SCMH1: variants seen among roughly 807,000 people sequenced by gnomAD.
SCMH1 encodes the protein Scm polycomb group protein homolog 1.
Under a neutral mutation model 70.8 loss-of-function variants are expected in SCMH1, and 37 were observed. That is an observed-to-expected ratio of 0.52 (90% CI 0.40 to 0.69). The LOEUF (loss-of-function observed/expected upper bound fraction) is 0.69, where lower values mean the gene tolerates loss of function less well. Ranked by LOEUF, SCMH1 falls within the 30% of genes least tolerant of loss-of-function variation. The pLI, the probability that SCMH1 is intolerant of heterozygous loss-of-function variation, is 0.00. For missense variants in SCMH1, 607 were observed against 827.3 expected (o/e 0.73, Z 3.27); for synonymous variants, 292 against 307.4 (o/e 0.95, Z 0.52).
chr1:41,214,909 G>C (rs1349512625), intron 1 of SCMH1, among the ~76,000 whole-genome samples: 1 of 152,130 alleles, frequency 6.6e-6, no homozygotes, highest in African/African-American at 2.4e-5. Context: ...CAACAGAATG[G>C]TAGAAGGAAA....
chr1:41,166,307 T>C (rs1646404506), intron 2 of SCMH1, among the ~76,000 whole-genome samples: 2 of 152,128 alleles, frequency 1.3e-5, no homozygotes, highest in African/African-American at 4.8e-5. Context: ...TTGGTCAAGA[T>C]TGTTTGGCTA....
At chr1:41,065,324 C>CTTA (rs1349344876) in intron 10 of SCMH1, among the ~76,000 whole-genome samples, 1 of 152,160 alleles carries the variant, frequency 6.6e-6, no homozygotes, top group Non-Finnish European at 1.5e-5. Flanking sequence ...ACAAAATTAG[C>CTTA]TAGGTATAGT....
chr1:41,131,421 G>C (rs1259433049), intron 6 of SCMH1, among the ~76,000 whole-genome samples: 1 of 152,088 alleles, frequency 6.6e-6, no homozygotes, highest in South Asian at 2.1e-4. Context: ...CTGCAAAATA[G>C]GCAGTTGGGA....
chr1:41,134,987 A>C (rs1643032864), intron 6 of SCMH1, among the ~76,000 whole-genome samples: 1 of 152,154 alleles, frequency 6.6e-6, no homozygotes, highest in African/African-American at 2.4e-5. Flanking sequence ...GAATTCTATT[A>C]ATGATTTTTC....
intron 8 of SCMH1, among the ~76,000 whole-genome samples, chr1:41,081,952 G>A (rs1393159561): frequency 6.6e-6 from 1 of 152,018 alleles, no homozygotes; most frequent in Non-Finnish European, 1.5e-5. Flanking sequence ...CAATTCTGTG[G>A]AGAGAAAAAA....
chr1:41,037,656 T>TCA, intron 12 of SCMH1, 115 bp from the exon 13 acceptor site: 1 of 861,540 alleles, frequency 1.2e-6, no homozygotes, highest in Non-Finnish European at 1.8e-6. Context: ...GGGCAGGGAC[T>TCA]CAGGAGGCCT....
At position 41,028,531 on chromosome 1, in the gene SCMH1, A is replaced by G. The variant is rs541970157; in HGVS notation, c.1821+53T>C. ...CCAAACATCTCGTATTGTCCCCACC[A>G]GGTGAGGCTCTCCACACAGGTTCCT... On this transcript the variant is annotated intron_variant, in intron 14 of 14. Transcript: ENST00000337495. 25 of 1,607,190 alleles carry G rather than the reference A, an allele frequency of 1.6e-5. No homozygotes were observed. The African/African-American group carries it at 3.2e-4, about 21-fold the overall frequency.
intron 2 of SCMH1, among the ~76,000 whole-genome samples, chr1:41,177,025 G>A (rs991768491): frequency 3.3e-5 from 5 of 151,846 alleles, no homozygotes; most frequent in Non-Finnish European, 1.5e-5. Context: ...CACCTCACAC[G>A]GCCCTCTGAG....
chr1:41,177,030 T>C (rs1017452531), intron 2 of SCMH1, among the ~76,000 whole-genome samples: 1 of 151,962 alleles, frequency 6.6e-6, no homozygotes, highest in African/African-American at 2.4e-5. Context: ...CACACGGCCC[T>C]CTGAGACAAA....
chr1:41,214,478 T>A (rs570890496), intron 1 of SCMH1, among the ~76,000 whole-genome samples: 31 of 152,276 alleles, frequency 2.0e-4, no homozygotes, highest in East Asian at 1.2e-3. Flanking sequence ...AGTAATTCAC[T>A]TGAAATTAGG....
intron 1 of SCMH1, among the ~76,000 whole-genome samples, chr1:41,217,455 C>T (rs1370401554): frequency 3.3e-5 from 5 of 152,146 alleles, no homozygotes; most frequent in Non-Finnish European, 7.3e-5. Flanking sequence ...AAATTCTCTG[C>T]CTATCCAGAT....
intron 10 of SCMH1, among the ~76,000 whole-genome samples, chr1:41,049,473 T>TA (rs915577733): frequency 3.9e-4 from 57 of 144,754 alleles, no homozygotes; most frequent in Non-Finnish European, 4.0e-4. Context: ...AAAATTGGAT[T>TA]AAAAAAAAAA....
chr1:41,131,914 T>A (rs1005909844), intron 6 of SCMH1, among the ~76,000 whole-genome samples: 1 of 152,230 alleles, frequency 6.6e-6, no homozygotes, highest in Non-Finnish European at 1.5e-5. Flanking sequence ...TTCCATGGTG[T>A]ATATGTGCCA....
chr1:41,160,661 T>A (rs1645936668), intron 4 of SCMH1, among the ~76,000 whole-genome samples: 1 of 152,206 alleles, frequency 6.6e-6, no homozygotes, highest in Non-Finnish European at 1.5e-5. Context: ...TCCCTTCTTG[T>A]TAGCTTGGTC....
At chr1:41,062,877 C>T (rs1410883322) in intron 10 of SCMH1, among the ~76,000 whole-genome samples, 2 of 148,182 alleles carry the variant, frequency 1.3e-5, no homozygotes, top group Non-Finnish European at 3.0e-5. Flanking sequence ...TGAGATCGCA[C>T]CATTGCACTC....
intron 8 of SCMH1, among the ~76,000 whole-genome samples, chr1:41,085,966 G>T (rs372408403): frequency 6.7e-6 from 1 of 149,930 alleles, no homozygotes; most frequent in Non-Finnish European, 1.5e-5. Flanking sequence ...TCAGCCTCCT[G>T]AGTAGTTGGG....
At chr1:41,051,713 T>C (rs1184490092) in intron 10 of SCMH1, among the ~76,000 whole-genome samples, 1 of 152,216 alleles carries the variant, frequency 6.6e-6, no homozygotes. Context: ...TAAAATATTT[T>C]TGTACAGCTA....
intron 1 of SCMH1, among the ~76,000 whole-genome samples, chr1:41,192,035 T>G (rs1475020743): frequency 6.6e-6 from 1 of 152,212 alleles, no homozygotes; most frequent in Non-Finnish European, 1.5e-5. Flanking sequence ...AAAAGTTAAT[T>G]GCTTTCTGGT....
At chr1:41,114,661 T>TTCTCTCTC (rs61013208) in intron 7 of SCMH1, among the ~76,000 whole-genome samples, 19,900 of 148,106 alleles carry the variant, frequency 0.13, 1,391 homozygotes, top group Middle Eastern at 0.24. Flanking sequence ...AAGATTTCCT[T>TTCTCTCTC]TCTCTCTCTC....
Sources: gnomAD v4.1 joint callset for allele counts (sites outside exome capture counted in the v4.1 genomes callset) on GRCh38, gnomAD v4.1.1 for gene constraint, MANE v1.5 for transcripts, NCBI Gene and HGNC (gene_info 2026-07-23, HGNC 2026-07-21) for gene names.